The following ADAMTS17 variants were observed in gnomAD, a reference collection of about 807,000 sequenced individuals.
ADAMTS17 encodes ADAM metallopeptidase with thrombospondin type 1 motif 17.
In ADAMTS17, 113 loss-of-function variants were observed where a neutral mutation model predicts 141.5. That is an observed-to-expected ratio of 0.80 (90% CI 0.69 to 0.93). The LOEUF is 0.93. Among genes scored for constraint, ADAMTS17 ranks in the 40% least tolerant of loss-of-function variants. ADAMTS17 has a pLI of 0.00. For synonymous variants in ADAMTS17, 768 were observed against 630.6 expected, an observed-to-expected ratio of 1.22 and a Z score of -3.27; for missense variants, 1,659 against 1,517.9, an observed-to-expected ratio of 1.09 and a Z score of -1.54.
chr15:100,309,170 C>A (rs1022301189), intron 3 of ADAMTS17, among the ~76,000 whole-genome samples: 1 of 152,150 alleles, frequency 6.6e-6, no homozygotes, highest in African/African-American at 2.4e-5. Context: ...AAATCCTGGG[C>A]AGCACAGTGA....
Position 99,974,373 on chromosome 15 carries a change from G to C in ADAMTS17, c.*29C>G, listed in dbSNP as rs199498244. Reference sequence around the variant, plus strand: ...GTGGGTGGGTTTCAGACCTGAGTCTGAGCTTTGAGCGACCCTTGGGACTGC... The same window carrying C: ...GTGGGTGGGTTTCAGACCTGAGTCTCAGCTTTGAGCGACCCTTGGGACTGC... On this transcript the variant is annotated 3_prime_UTR_variant, in exon 22 of 22. Transcript: ENST00000268070. The C allele has an allele frequency of 3.1e-6, 5 of 1,613,766 alleles. No individual in the cohort carries two copies. The Admixed American group carries it at 8.3e-5, about 27-fold the overall frequency.
chr15:100,097,744 C>T (rs2035849717), intron 14 of ADAMTS17, among the ~76,000 whole-genome samples: 5 of 152,262 alleles, frequency 3.3e-5, no homozygotes, highest in Admixed American at 2.6e-4. Context: ...CATTTCTAAT[C>T]GGCTCCCAGG....
intron 10 of ADAMTS17, among the ~76,000 whole-genome samples, chr15:100,142,025 T>A (rs934933881): frequency 6.6e-6 from 1 of 152,162 alleles, no homozygotes; most frequent in African/African-American, 2.4e-5. Context: ...ATGAGCAGTT[T>A]CCTAACTAAG....
At chr15:100,150,045 AAC>A (rs1471670193) in intron 10 of ADAMTS17, among the ~76,000 whole-genome samples, 5 of 152,234 alleles carry the variant, frequency 3.3e-5, no homozygotes, top group African/African-American at 1.2e-4. Flanking sequence ...GAGAGGAAAA[AAC>A]ACATTTATTT....
Position 100,331,577 on chromosome 15 carries a change from T to A in ADAMTS17, c.451-523A>T, listed in dbSNP as rs79782578. Among the ~76,000 whole-genome samples the A allele has an allele frequency of 6.8e-3, 1,040 of 152,218 alleles. 12 individuals are homozygous for A. Among genetic ancestry groups the A allele is most frequent in the African/African-American group, 0.024 (1,007 of 41,520 alleles). On this transcript the variant is annotated intron_variant, in intron 2 of 21. Coordinates refer to ENST00000268070, the MANE Select transcript of ADAMTS17 (RefSeq NM_139057.4). ...CCCTTCTTATGCAGAGTCAAAATGG[T>A]AAATCTCTCAAGGAAATCGAACCCA...
Position 100,338,500 on chromosome 15 carries a change from G to A in ADAMTS17, c.450+2539C>T, listed in dbSNP as rs146713055. Among the ~76,000 whole-genome samples the A allele has an allele frequency of 1.3e-3, 193 of 152,260 alleles. 1 individual carries two copies. The highest frequency in any genetic ancestry group is 2.3e-3 in the Non-Finnish European group (157 of 68,034). ...TTGTTGAACGTGGCCACATCCATTC[G>A]CTCGTATGCCATCCGTAGCTGTAGC... On this transcript the variant is annotated intron_variant, in intron 2 of 21. Transcript: ENST00000268070.
At chr15:100,137,465 T>A (rs1596531272) in intron 10 of ADAMTS17, among the ~76,000 whole-genome samples, 1 of 151,516 alleles carries the variant, frequency 6.6e-6, no homozygotes, top group East Asian at 1.9e-4. Flanking sequence ...GTGGAAGGAG[T>A]GAAAGGGTGG....
At chr15:100,274,972 TA>T (rs1268758565) in intron 4 of ADAMTS17, among the ~76,000 whole-genome samples, 1 of 152,228 alleles carries the variant, frequency 6.6e-6, no homozygotes, top group Non-Finnish European at 1.5e-5. Context: ...TCAGTGGCAT[TA>T]AAAACCTCAG....
At chr15:100,051,854 G>C in intron 16 of ADAMTS17, 123 bp from the exon 17 acceptor site, 1 of 1,293,674 alleles carries the variant, frequency 7.7e-7, no homozygotes, top group East Asian at 2.3e-5. Context: ...CTCTTTTCTG[G>C]GGCTGAAAAC....
chr15:100,297,724 CG>C (rs1351482030), intron 3 of ADAMTS17, among the ~76,000 whole-genome samples: 1 of 152,034 alleles, frequency 6.6e-6, no homozygotes, highest in African/African-American at 2.4e-5. Context: ...GCTGGCTGTG[CG>C]GATTTGGGAG....
At chr15:100,059,926 C>T (rs2032984401) in intron 15 of ADAMTS17, among the ~76,000 whole-genome samples, 1 of 152,182 alleles carries the variant, frequency 6.6e-6, no homozygotes, top group African/African-American at 2.4e-5. Context: ...AGTTCCTGTC[C>T]CCTCAAACCT....
Position 100,238,973 on chromosome 15 carries a change from C to T in ADAMTS17, c.1075+15163G>A, listed in dbSNP as rs571602731. ...AGGCGTAGTGGCGTGTGCCTGTAAC[C>T]CCAGGTACTCGGGAGACTGAGATGG... On this transcript the variant is annotated intron_variant, in intron 7 of 21. Transcript: ENST00000268070. 1.1e-4 allele frequency among the ~76,000 whole-genome samples: 17 copies of T among 152,228 alleles called. No homozygotes were observed. The East Asian group carries it at 3.1e-3, about 28-fold the overall frequency.
Position 100,262,389 on chromosome 15 carries a change from A to G in ADAMTS17, c.836T>C (p.Ile279Thr), listed in dbSNP as rs2043553944. 6.2e-7 allele frequency: 1 copy of G among 1,613,934 alleles called. No individual in the cohort carries two copies. Among genetic ancestry groups the G allele is most frequent in the Non-Finnish European group, 8.5e-7 (1 of 1,179,976 alleles). ...QHQSLGIKIN[I>T]QVTKLVLLRQ... Reference sequence around the variant, plus strand: ...TAGCAGGACAAGCTTGGTCACTTGAATGTTAATTTTAATCCCCAGGCTCTG... The same window carrying G: ...TAGCAGGACAAGCTTGGTCACTTGAGTGTTAATTTTAATCCCCAGGCTCTG... Residue 279 changes from isoleucine (I) to threonine (T), a missense_variant, in exon 5 of 22, where the codon ATT (isoleucine) becomes ACT (threonine). By Grantham distance (89) the Ile-to-Thr change is moderately conservative. Transcript: ENST00000268070.
intron 3 of ADAMTS17, among the ~76,000 whole-genome samples, chr15:100,321,155 A>G (rs2045721710): frequency 6.6e-6 from 1 of 152,222 alleles, no homozygotes; most frequent in Non-Finnish European, 1.5e-5. Flanking sequence ...CTGATGCCTC[A>G]GACTTCCTTT....
intron 3 of ADAMTS17, among the ~76,000 whole-genome samples, chr15:100,327,719 C>T (rs1291928883): frequency 6.6e-6 from 1 of 152,120 alleles, no homozygotes; most frequent in Non-Finnish European, 1.5e-5. Context: ...TCCAAGGTAC[C>T]ATTTTAGTTT....
intron 3 of ADAMTS17, among the ~76,000 whole-genome samples, chr15:100,326,227 T>G (rs1215537656): frequency 2.0e-5 from 3 of 152,200 alleles, no homozygotes; most frequent in African/African-American, 7.2e-5. Context: ...AATATTAACT[T>G]AAAGAAACTC....
intron 4 of ADAMTS17, among the ~76,000 whole-genome samples, chr15:100,271,538 T>C (rs564320994): frequency 8.9e-6 from 1 of 112,254 alleles, no homozygotes; most frequent in East Asian, 4.9e-4. Flanking sequence ...TACATCTTCT[T>C]CGTAAAAATG....
At chr15:99,977,575 G>A (rs2060390861) in intron 20 of ADAMTS17, among the ~76,000 whole-genome samples, 1 of 150,302 alleles carries the variant, frequency 6.7e-6, no homozygotes, top group South Asian at 2.1e-4. Context: ...CACCACATCT[G>A]GCTAATTTTT....
At chr15:100,073,107 T>C (rs985215527) in intron 15 of ADAMTS17, among the ~76,000 whole-genome samples, 18 of 152,092 alleles carry the variant, frequency 1.2e-4, no homozygotes, top group African/African-American at 3.6e-4. Context: ...GCAAAGGATA[T>C]GAACAGACAC....
Sources: gnomAD v4.1 joint callset for allele counts (sites outside exome capture counted in the v4.1 genomes callset) on GRCh38, gnomAD v4.1.1 for gene constraint, MANE v1.5 for transcripts, NCBI Gene and HGNC (gene_info 2026-07-23, HGNC 2026-07-21) for gene names.